The following LPIN1 variants were observed in gnomAD, a reference collection of about 807,000 sequenced individuals.
The protein encoded by LPIN1 is lipin 1.
In LPIN1, 71 loss-of-function variants were observed where a neutral mutation model predicts 107.5. The ratio of observed to expected loss-of-function variants is 0.66; its 90% confidence interval spans 0.55 to 0.80. The LOEUF (loss-of-function observed/expected upper bound fraction) is 0.80, where lower values mean the gene tolerates loss of function less well. Among genes scored for constraint, LPIN1 ranks in the 30% least tolerant of loss-of-function variants. LPIN1 has a pLI of 0.00. For synonymous variants in LPIN1, 445 were observed against 452.6 expected (o/e 0.98, Z 0.21); for missense variants, 1,043 against 1,160.6 (o/e 0.90, Z 1.47).
chr2:11,766,546 G>T (rs181637155), intron 2 of LPIN1, among the ~76,000 whole-genome samples: 300 of 152,270 alleles, frequency 2.0e-3, no homozygotes, highest in Non-Finnish European at 3.3e-3. Context: ...CACAGGAGAG[G>T]TCGTGAGTGT....
chr2:11,747,060 G>T (rs1667066513), intron 1 of LPIN1, among the ~76,000 whole-genome samples: 1 of 152,230 alleles, frequency 6.6e-6, no homozygotes, highest in Non-Finnish European at 1.5e-5. Context: ...GGCTCTGCGC[G>T]ATCATCCCCA....
chr2:11,687,656 A>G (rs934675226), intron 1 of LPIN1, among the ~76,000 whole-genome samples: 2 of 152,238 alleles, frequency 1.3e-5, no homozygotes, highest in Non-Finnish European at 2.9e-5. Flanking sequence ...CCAGGCCTGC[A>G]ATACATTTGT....
At chr2:11,685,417 T>C (rs1001721163) in intron 1 of LPIN1, among the ~76,000 whole-genome samples, 3 of 152,198 alleles carry the variant, frequency 2.0e-5, no homozygotes, top group Non-Finnish European at 2.9e-5. Context: ...ATGATGGACC[T>C]GTTGGGAGGC....
At chr2:11,683,933 G>A (rs1482802064) in intron 1 of LPIN1, among the ~76,000 whole-genome samples, 2 of 152,216 alleles carry the variant, frequency 1.3e-5, no homozygotes, top group Non-Finnish European at 1.5e-5. Flanking sequence ...AACTGGGGCT[G>A]ATGACGCTGC....
intron 1 of LPIN1, among the ~76,000 whole-genome samples, chr2:11,757,173 G>T (rs1668811847): frequency 6.6e-6 from 1 of 152,232 alleles, no homozygotes; most frequent in South Asian, 2.1e-4. Context: ...TTGGTATGGG[G>T]TGAGTGAATA....
At chr2:11,685,266 C>T (rs1320958184) in intron 1 of LPIN1, among the ~76,000 whole-genome samples, 4 of 152,114 alleles carry the variant, frequency 2.6e-5, no homozygotes, top group Non-Finnish European at 5.9e-5. Flanking sequence ...GCTGAGAGGA[C>T]GGGAAAAGTG....
chr2:11,798,883 A>G (rs1677187714), intron 14 of LPIN1, among the ~76,000 whole-genome samples: 1 of 152,188 alleles, frequency 6.6e-6, no homozygotes, highest in Non-Finnish European at 1.5e-5. Flanking sequence ...CATACAAATA[A>G]TTAAAATAGC....
chr2:11,701,492 G>C (rs762377117), intron 1 of LPIN1, among the ~76,000 whole-genome samples: 3 of 152,086 alleles, frequency 2.0e-5, no homozygotes, highest in Non-Finnish European at 4.4e-5. Context: ...GCCGGCCCAG[G>C]TGGCACACAC....
At chr2:11,800,271 G>A (rs1677469619) in intron 14 of LPIN1, among the ~76,000 whole-genome samples, 1 of 152,242 alleles carries the variant, frequency 6.6e-6, no homozygotes, top group Admixed American at 6.5e-5. Flanking sequence ...TGCTTAGGGA[G>A]GGGCTGCTCA....
intron 1 of LPIN1, among the ~76,000 whole-genome samples, chr2:11,751,051 C>T (rs373684045): frequency 1.3e-5 from 2 of 152,182 alleles, no homozygotes; most frequent in African/African-American, 4.8e-5. Flanking sequence ...GGAGTCAAAG[C>T]CTTGGGCTGT....
chr2:11,797,800 TAA>T (rs889363180), intron 14 of LPIN1, among the ~76,000 whole-genome samples: 4 of 152,200 alleles, frequency 2.6e-5, no homozygotes, highest in Admixed American at 2.6e-4. Context: ...TGAAATGAGT[TAA>T]GACTTTGGGG....
chr2:11,681,494 T>A (rs2148499243), intron 1 of LPIN1: 1 of 157,908 alleles, frequency 6.3e-6, no homozygotes, highest in East Asian at 1.9e-4. Context: ...GCCGTCATTG[T>A]AAGTTTCCCG....
intron 1 of LPIN1, among the ~76,000 whole-genome samples, chr2:11,702,840 A>T (rs896520160): frequency 1.3e-5 from 2 of 152,072 alleles, no homozygotes; most frequent in African/African-American, 4.8e-5. Flanking sequence ...CTTGTTTGCC[A>T]ATCATTTTTA....
chr2:11,805,467 G>A (rs1363698683), intron 17 of LPIN1: 1 of 486,500 alleles, frequency 2.1e-6, no homozygotes, highest in Non-Finnish European at 3.8e-6. Context: ...GATGGCAGAG[G>A]TAGCCAGTTG....
intron 1 of LPIN1, among the ~76,000 whole-genome samples, chr2:11,693,421 A>G (rs1662370114): frequency 6.6e-6 from 1 of 152,124 alleles, no homozygotes; most frequent in East Asian, 1.9e-4. Context: ...AGAGCCCTGC[A>G]CTATTCGGAG....
chr2:11,713,242 A>T lies in LPIN1; in HGVS notation c.82-514A>T, dbSNP rs535878534. Among the ~76,000 whole-genome samples, 4 of 152,346 alleles carry T rather than the reference A, an allele frequency of 2.6e-5. No individual in the cohort carries two copies. In the East Asian group the frequency reaches 7.7e-4, roughly 29 times the overall value. On this transcript the variant is annotated intron_variant, in intron 1 of 21. Transcript: ENST00000449576. Reference sequence around the variant, plus strand: ...GCACCCTATGTAATTGACACATCATAGTTGAATGTGCTCAAAGAAAAGACA... The same window carrying T: ...GCACCCTATGTAATTGACACATCATTGTTGAATGTGCTCAAAGAAAAGACA...
At chr2:11,796,858 G>A (rs139311991) in intron 14 of LPIN1, among the ~76,000 whole-genome samples, 14 of 152,300 alleles carry the variant, frequency 9.2e-5, no homozygotes, top group East Asian at 1.9e-4. Flanking sequence ...AAGCTGTAGC[G>A]GAAGCAGTCG....
chr2:11,710,675 T>C (rs1335908924), intron 1 of LPIN1, among the ~76,000 whole-genome samples: 1 of 152,244 alleles, frequency 6.6e-6, no homozygotes, highest in African/African-American at 2.4e-5. Flanking sequence ...ATTGTTAGCC[T>C]TTCTTTAGAA....
chr2:11,784,791 A>G, intron 9 of LPIN1, 95 bp from the exon 10 acceptor site: 1 of 1,146,184 alleles, frequency 8.7e-7, no homozygotes, highest in Non-Finnish European at 1.3e-6. Context: ...TGCGGCTCTG[A>G]GGGTGGCCGC....
Sources: allele counts gnomAD v4.1 joint callset (sites outside exome capture counted in the v4.1 genomes callset), GRCh38; gene constraint gnomAD v4.1.1; transcripts MANE v1.5; gene names NCBI Gene and HGNC (gene_info 2026-07-23, HGNC 2026-07-21).